The following ZCWPW2 variants were observed in gnomAD, a reference collection of about 807,000 sequenced individuals.
ZCWPW2 encodes the protein zinc finger CW-type PWWP domain protein 2.
Under a neutral mutation model 46.6 loss-of-function variants are expected in ZCWPW2, and 45 were observed. That is an observed-to-expected ratio of 0.96 (90% CI 0.76 to 1.24). The LOEUF (loss-of-function observed/expected upper bound fraction) is 1.24, where lower values mean the gene tolerates loss of function less well. ZCWPW2 is among the 50% of genes most tolerant of loss of function. ZCWPW2 has a pLI of 0.00. For missense variants in ZCWPW2, 429 were observed against 403.9 expected, an observed-to-expected ratio of 1.06 and a Z score of -0.53; for synonymous variants, 152 against 137.1, an observed-to-expected ratio of 1.11 and a Z score of -0.76.
chr3:28,392,231 A>G (rs1025272044), intron 2 of ZCWPW2, among the ~76,000 whole-genome samples: 13 of 152,250 alleles, frequency 8.5e-5, no homozygotes, highest in African/African-American at 2.9e-4. Flanking sequence ...AGGTCATTAT[A>G]TAATGATAAA....
chr3:28,420,253 C>T (rs570825082), intron 3 of ZCWPW2, among the ~76,000 whole-genome samples: 13 of 152,062 alleles, frequency 8.5e-5, no homozygotes, highest in Admixed American at 3.3e-4. Flanking sequence ...TTAGATCTTT[C>T]CTGCTTTCTC....
intron 3 of ZCWPW2, among the ~76,000 whole-genome samples, chr3:28,431,774 C>T (rs191374243): frequency 3.3e-5 from 5 of 152,082 alleles, no homozygotes; most frequent in Admixed American, 6.6e-5. Flanking sequence ...GGTCTAGATA[C>T]GTGCTTGGTG....
chr3:28,387,859 G>A (rs1695333448), intron 1 of ZCWPW2, among the ~76,000 whole-genome samples: 1 of 152,108 alleles, frequency 6.6e-6, no homozygotes, highest in Admixed American at 6.6e-5. Context: ...AAAGAAGGAA[G>A]CTGCTAGATT....
chr3:28,441,964 G>T (rs969750602), intron 4 of ZCWPW2, among the ~76,000 whole-genome samples: 2 of 152,108 alleles, frequency 1.3e-5, no homozygotes, highest in African/African-American at 2.4e-5. Context: ...TTACCTATTT[G>T]GGCCTGCCAA....
At chr3:28,484,623 C>G (rs529452571) in intron 5 of ZCWPW2, among the ~76,000 whole-genome samples, 22 of 152,046 alleles carry the variant, frequency 1.4e-4, no homozygotes, top group African/African-American at 5.3e-4. Context: ...GTTATAATGT[C>G]TACCTCTTTC....
intron 4 of ZCWPW2, among the ~76,000 whole-genome samples, chr3:28,471,040 C>T (rs943998135): frequency 4.6e-5 from 7 of 152,054 alleles, no homozygotes; most frequent in Admixed American, 1.3e-4. Context: ...GTACAACCTA[C>T]CAAGATTGCA....
intron 3 of ZCWPW2, among the ~76,000 whole-genome samples, chr3:28,434,230 A>G (rs1697391313): frequency 1.3e-5 from 2 of 152,266 alleles, no homozygotes; most frequent in South Asian, 4.1e-4. Flanking sequence ...CTCACTTCAG[A>G]GGTTTTTCAG....
chr3:28,488,768 A>G (rs1699695493), intron 5 of ZCWPW2, among the ~76,000 whole-genome samples: 1 of 152,118 alleles, frequency 6.6e-6, no homozygotes, highest in East Asian at 1.9e-4. Context: ...ATCCACATCT[A>G]CATTTCCTGT....
chr3:28,494,698 T>TCTCC (rs1699927772), intron 6 of ZCWPW2, among the ~76,000 whole-genome samples: 1 of 138,476 alleles, frequency 7.2e-6, no homozygotes, highest in Non-Finnish European at 1.6e-5. Context: ...CAGCCCAAAA[T>TCTCC]CTCCTTAAGC....
Position 28,425,327 on chromosome 3 carries a change from A to C in ZCWPW2, c.333-9783A>C, listed in dbSNP as rs139620177. On this transcript the variant is annotated intron_variant, in intron 3 of 9. Coordinates refer to ENST00000383768, the MANE Select transcript of ZCWPW2 (RefSeq NM_001040432.4). ...AAAATACAGATTAAGAAACTCAAAT[A>C]TACTTATATTGCTTATTCAGTAACA... is the stretch of plus-strand genomic sequence containing the variant. Among the ~76,000 whole-genome samples, 386 of 152,334 alleles carry C rather than the reference A, an allele frequency of 2.5e-3. 1 individual carries two copies. The highest frequency in any genetic ancestry group is 8.4e-3 in the African/African-American group (350 of 41,584).
At chr3:28,459,465 A>G (rs745449047) in intron 4 of ZCWPW2, among the ~76,000 whole-genome samples, 2 of 152,214 alleles carry the variant, frequency 1.3e-5, no homozygotes, top group African/African-American at 2.4e-5. Flanking sequence ...TATTTTCCCA[A>G]AATATCTTCT....
intron 1 of ZCWPW2, among the ~76,000 whole-genome samples, chr3:28,358,843 C>G (rs192179554): frequency 1.9e-3 from 294 of 152,100 alleles, no homozygotes; most frequent in African/African-American, 6.6e-3. Context: ...TTTACCCCCC[C>G]CAACAATCCT....
chr3:28,380,960 AT>A lies in ZCWPW2; in HGVS notation c.-133-9537del, dbSNP rs1559480632. Among the ~76,000 whole-genome samples the A allele has an allele frequency of 8.1e-4, 36 of 44,428 alleles. 8 individuals are homozygous for A. Among genetic ancestry groups the A allele is most frequent in the Middle Eastern group, 0.01 (1 of 100 alleles). 29.1% of individuals were successfully genotyped at this position (44,428 alleles called of 152,430 possible). On this transcript the variant is annotated intron_variant, in intron 1 of 9. Coordinates refer to ENST00000383768, the MANE Select transcript of ZCWPW2 (RefSeq NM_001040432.4). ...TATATATATATATATATATATATAT[AT>A]ATATATATATTTGGTATATATATAT...
At chr3:28,448,532 C>T (rs186276755) in intron 4 of ZCWPW2, among the ~76,000 whole-genome samples, 1 of 151,826 alleles carries the variant, frequency 6.6e-6, no homozygotes, top group African/African-American at 2.4e-5. Flanking sequence ...TGCCTGTAAT[C>T]CCAGCATTTT....
intron 9 of ZCWPW2, among the ~76,000 whole-genome samples, chr3:28,523,236 T>A (rs1472538686): frequency 1.3e-5 from 2 of 152,158 alleles, no homozygotes; most frequent in Non-Finnish European, 2.9e-5. Context: ...TACTGATTCA[T>A]AAGCACTCTG....
chr3:28,357,562 A>G (rs774464129), intron 1 of ZCWPW2, among the ~76,000 whole-genome samples: 7 of 152,104 alleles, frequency 4.6e-5, no homozygotes, highest in Middle Eastern at 3.4e-3. Flanking sequence ...CCAAAGGTAG[A>G]CAAAGGGAGA....
At chr3:28,358,166 A>G (rs1040655923) in intron 1 of ZCWPW2, among the ~76,000 whole-genome samples, 1 of 151,872 alleles carries the variant, frequency 6.6e-6, no homozygotes, top group Non-Finnish European at 1.5e-5. Flanking sequence ...TCGTTTAAAA[A>G]TTTTTTTCTT....
intron 4 of ZCWPW2, among the ~76,000 whole-genome samples, chr3:28,453,843 TTTA>T (rs1047185897): frequency 9.4e-5 from 14 of 148,258 alleles, no homozygotes; most frequent in Non-Finnish European, 1.3e-4. Flanking sequence ...TTTTATTTTT[TTTA>T]TTATTATTTT....
chr3:28,501,169 G>T (rs953152954), intron 6 of ZCWPW2, among the ~76,000 whole-genome samples: 12 of 152,164 alleles, frequency 7.9e-5, no homozygotes, highest in Non-Finnish European at 1.8e-4. Flanking sequence ...AGGGTGCTCT[G>T]CTGGGATTAG....
Sources: allele counts gnomAD v4.1 joint callset (sites outside exome capture counted in the v4.1 genomes callset), GRCh38; gene constraint gnomAD v4.1.1; transcripts MANE v1.5; gene names NCBI Gene and HGNC (gene_info 2026-07-23, HGNC 2026-07-21).